GALNT13: variants seen among roughly 807,000 people sequenced by gnomAD.
GALNT13 encodes UDP-GalNAc:polypeptide N-acetylgalactosaminyltransferase 13.
A neutral mutation model predicts 64.2 loss-of-function variants in GALNT13; 28 were observed. The observed-to-expected ratio is 0.44, with a 90% CI of 0.32 to 0.60. GALNT13 has a LOEUF of 0.60. GALNT13 is among the 20% of genes least tolerant of loss of function. The pLI, the probability that GALNT13 is intolerant of heterozygous loss-of-function variation, is 0.05. For missense variants in GALNT13, 577 were observed against 669.8 expected (o/e 0.86, Z 1.53); for synonymous variants, 214 against 224.6 (o/e 0.95, Z 0.42).
At chr2:153,833,290 C>A in the GALNT13 span, among the ~76,000 whole-genome samples, 33 of 152,082 alleles carry the variant, frequency 2.2e-4, no homozygotes, top group Non-Finnish European at 4.4e-4. Flanking sequence ...TAAGTAGAAG[C>A]TATAACACAC....
intron 4 of GALNT13, among the ~76,000 whole-genome samples, chr2:154,228,988 A>G (rs13410281): frequency 0.14 from 21,720 of 152,122 alleles, 1,564 homozygotes; most frequent in South Asian, 0.18. Flanking sequence ...CTCTACAAAT[A>G]CCATCAATTT....
chr2:153,726,249 T>C, the GALNT13 span, among the ~76,000 whole-genome samples: 2 of 152,296 alleles, frequency 1.3e-5, no homozygotes, highest in East Asian at 3.9e-4. Flanking sequence ...TTTGAGACAT[T>C]TGGAAAAGTT....
At chr2:153,206,544 G>A in the GALNT13 span, among the ~76,000 whole-genome samples, 1 of 151,962 alleles carries the variant, frequency 6.6e-6, no homozygotes, top group Non-Finnish European at 1.5e-5. Flanking sequence ...AAGCAAATTT[G>A]TGATTATAAA....
At chr2:153,180,380 T>A in the GALNT13 span, among the ~76,000 whole-genome samples, 7 of 152,190 alleles carry the variant, frequency 4.6e-5, no homozygotes. Flanking sequence ...TAAATCCCAC[T>A]TGATAATGAT....
At chr2:153,563,576 T>G in the GALNT13 span, among the ~76,000 whole-genome samples, 3 of 152,116 alleles carry the variant, frequency 2.0e-5, no homozygotes, top group Non-Finnish European at 1.5e-5. Context: ...GAGCTTCCTG[T>G]TTTGTTGTAA....
chr2:153,265,241 G>T, the GALNT13 span, among the ~76,000 whole-genome samples: 1 of 152,108 alleles, frequency 6.6e-6, no homozygotes, highest in Admixed American at 6.5e-5. Flanking sequence ...CACAGATCAG[G>T]ACTTCCCCAG....
intron 3 of GALNT13, among the ~76,000 whole-genome samples, chr2:154,013,809 G>T (rs1696810091): frequency 6.6e-6 from 1 of 152,160 alleles, no homozygotes; most frequent in African/African-American, 2.4e-5. Context: ...GGGTTGGCGA[G>T]GTCGGTCGGC....
chr2:153,230,490 G>T, the GALNT13 span, among the ~76,000 whole-genome samples: 2 of 152,076 alleles, frequency 1.3e-5, no homozygotes, highest in Admixed American at 6.6e-5. Flanking sequence ...ATGGCATGAA[G>T]CCACAATTTT....
chr2:153,241,822 T>G, the GALNT13 span, among the ~76,000 whole-genome samples: 2 of 151,916 alleles, frequency 1.3e-5, no homozygotes, highest in African/African-American at 4.8e-5. Context: ...GAATTTGTCT[T>G]TCTGTAATGG....
At chr2:154,104,343 G>C (rs1702501571) in intron 3 of GALNT13, among the ~76,000 whole-genome samples, 1 of 152,138 alleles carries the variant, frequency 6.6e-6, no homozygotes, top group Admixed American at 6.5e-5. Context: ...CTTCTGCTGT[G>C]TGTAGAGAGG....
chr2:153,283,408 C>T, the GALNT13 span, among the ~76,000 whole-genome samples: 1 of 152,096 alleles, frequency 6.6e-6, no homozygotes, highest in East Asian at 1.9e-4. Context: ...CTATAATATG[C>T]ACAGAAAGGA....
the GALNT13 span, among the ~76,000 whole-genome samples, chr2:153,311,692 C>T: frequency 6.6e-6 from 1 of 152,204 alleles, no homozygotes; most frequent in South Asian, 2.1e-4. Flanking sequence ...TAGCCTGCAG[C>T]TGGCTCCTCC....
At chr2:153,868,822 A>C (rs567664892), upstream of GALNT13, among the ~76,000 whole-genome samples, 132 of 152,338 alleles carry the variant, frequency 8.7e-4, 1 homozygote, top group Admixed American at 8.6e-3. Flanking sequence ...CATTTATCTA[A>C]GCAAATACTT....
chr2:153,329,751 A>G, the GALNT13 span, among the ~76,000 whole-genome samples: 1 of 152,000 alleles, frequency 6.6e-6, no homozygotes, highest in African/African-American at 2.4e-5. Flanking sequence ...TTGATAGTTT[A>G]TATTGCTGTG....
At chr2:154,307,091 G>C (rs1174302357) in intron 9 of GALNT13, among the ~76,000 whole-genome samples, 1 of 152,068 alleles carries the variant, frequency 6.6e-6, no homozygotes, top group Non-Finnish European at 1.5e-5. Context: ...AAGCAAGATG[G>C]AGTTGGGTAG....
chr2:154,021,431 G>A (rs1420809106), intron 3 of GALNT13, among the ~76,000 whole-genome samples: 2 of 152,062 alleles, frequency 1.3e-5, no homozygotes, highest in South Asian at 2.1e-4. Flanking sequence ...CTTGTAAGTT[G>A]GATTCCTAAG....
the GALNT13 span, among the ~76,000 whole-genome samples, chr2:153,698,164 C>T: frequency 8.5e-5 from 13 of 152,198 alleles, no homozygotes; most frequent in African/African-American, 2.9e-4. Context: ...AGAGAGATAA[C>T]ACTATGAAGA....
chr2:153,326,432 T>C, the GALNT13 span, among the ~76,000 whole-genome samples: 2 of 152,124 alleles, frequency 1.3e-5, no homozygotes, highest in African/African-American at 4.8e-5. Context: ...TTCCTGACTG[T>C]TTATCCAATT....
intron 4 of GALNT13, among the ~76,000 whole-genome samples, chr2:154,183,632 A>G (rs918945425): frequency 2.0e-5 from 3 of 152,094 alleles, no homozygotes; most frequent in African/African-American, 7.2e-5. Flanking sequence ...GAATCACTTG[A>G]GCCCAGGAAG....
Sources: allele counts gnomAD v4.1 joint callset (sites outside exome capture counted in the v4.1 genomes callset), GRCh38; gene constraint gnomAD v4.1.1; transcripts MANE v1.5; gene names NCBI Gene and HGNC (gene_info 2026-07-23, HGNC 2026-07-21).